Variants in CNTNAP4 observed in about 807,000 individuals in gnomAD.
CNTNAP4 encodes contactin associated protein family member 4.
A neutral mutation model predicts 148.4 loss-of-function variants in CNTNAP4; 98 were observed. The ratio of observed to expected loss-of-function variants is 0.66; its 90% confidence interval spans 0.56 to 0.78. CNTNAP4 has a LOEUF of 0.78. Among genes scored for constraint, CNTNAP4 ranks in the 30% least tolerant of loss-of-function variants. The pLI, the probability that CNTNAP4 is intolerant of heterozygous loss-of-function variation, is 0.00. For synonymous variants in CNTNAP4, 730 were observed against 565.1 expected (o/e 1.29, Z -4.14); for missense variants, 1,935 against 1,565.6 (o/e 1.24, Z -3.98).
At chr16:76,402,374 G>A (rs2144849348) in intron 3 of CNTNAP4, among the ~76,000 whole-genome samples, 1 of 151,206 alleles carries the variant, frequency 6.6e-6, no homozygotes, top group South Asian at 2.1e-4. Context: ...TTTTTTTTCT[G>A]TGAGGTCAGT....
intron 4 of CNTNAP4, among the ~76,000 whole-genome samples, chr16:76,438,730 T>G (rs1032880879): frequency 1.3e-5 from 2 of 151,874 alleles, no homozygotes; most frequent in Non-Finnish European, 2.9e-5. Context: ...ATACCCACAC[T>G]CTCCCTTTTC....
chr16:76,312,587 A>G (rs994796692), intron 1 of CNTNAP4, among the ~76,000 whole-genome samples: 2 of 152,194 alleles, frequency 1.3e-5, no homozygotes, highest in African/African-American at 4.8e-5. Context: ...AAAAAATAGC[A>G]TGGCAAACCT....
chr16:76,389,781 G>A (rs753436968), intron 3 of CNTNAP4, among the ~76,000 whole-genome samples: 3 of 151,962 alleles, frequency 2.0e-5, no homozygotes, highest in Non-Finnish European at 4.4e-5. Context: ...TGGTGTTTAT[G>A]GGAACCCGAT....
At chr16:76,555,526 CT>C (rs759847030) in intron 23 of CNTNAP4, among the ~76,000 whole-genome samples, 2 of 152,126 alleles carry the variant, frequency 1.3e-5, no homozygotes, top group Non-Finnish European at 2.9e-5. Flanking sequence ...TATAATATTG[CT>C]TTTTCCAGAC....
At chr16:76,551,303 C>A (rs1362138921) in intron 21 of CNTNAP4, among the ~76,000 whole-genome samples, 4 of 151,692 alleles carry the variant, frequency 2.6e-5, no homozygotes, top group Non-Finnish European at 4.4e-5. Context: ...GAGGCTGAGG[C>A]AGGAGAATTA....
At chr16:76,464,995 A>G (rs1363499658) in intron 9 of CNTNAP4, among the ~76,000 whole-genome samples, 1 of 152,240 alleles carries the variant, frequency 6.6e-6, no homozygotes, top group Admixed American at 6.5e-5. Context: ...CACAACATGC[A>G]GCACAATCTG....
intron 3 of CNTNAP4, among the ~76,000 whole-genome samples, chr16:76,371,881 A>G (rs961627072): frequency 6.6e-6 from 1 of 152,132 alleles, no homozygotes; most frequent in Admixed American, 6.5e-5. Context: ...ATCCCTTTCA[A>G]TCAGGGCTTT....
At chr16:76,368,378 A>G (rs922433660) in intron 3 of CNTNAP4, among the ~76,000 whole-genome samples, 14 of 152,238 alleles carry the variant, frequency 9.2e-5, no homozygotes, top group African/African-American at 3.1e-4. Flanking sequence ...ATGCACACGT[A>G]TGTTTATTGC....
At chr16:76,307,495 T>C (rs202044717) in intron 1 of CNTNAP4, among the ~76,000 whole-genome samples, 1 of 123,080 alleles carries the variant, frequency 8.1e-6, no homozygotes, top group African/African-American at 3.1e-5. Flanking sequence ...AGATATCTAT[T>C]TTAAATGCAT....
Position 76,470,480 on chromosome 16 carries a change from A to AT in CNTNAP4, c.1655+2958dup, listed in dbSNP as rs1568304032. Among the ~76,000 whole-genome samples, 216 of 96,990 alleles carry AT rather than the reference A, an allele frequency of 2.2e-3. 3 individuals are homozygous for AT. Among genetic ancestry groups the AT allele is most frequent in the African/African-American group, 0.012 (209 of 17,118 alleles). 63.6% of individuals were successfully genotyped at this position (96,990 alleles called of 152,430 possible). The stretch of plus-strand genomic sequence containing the variant: ...ACATAGCAAAACCACGTCTCTACTA[A>AT]TAATATATATATATATAAAATTAGT... On this transcript the variant is annotated intron_variant, in intron 10 of 23. Transcript: ENST00000611870.
At chr16:76,554,815 A>C (rs1237429328) in intron 23 of CNTNAP4, among the ~76,000 whole-genome samples, 2 of 151,964 alleles carry the variant, frequency 1.3e-5, no homozygotes, top group East Asian at 3.9e-4. Context: ...TCCTCTATTC[A>C]GTCACAAACC....
At chr16:76,502,999 T>C (rs1463964082) in intron 15 of CNTNAP4, among the ~76,000 whole-genome samples, 3 of 152,214 alleles carry the variant, frequency 2.0e-5, no homozygotes, top group Admixed American at 2.0e-4. Context: ...TTATTTATGT[T>C]GTCTTTTTTC....
intron 1 of CNTNAP4, among the ~76,000 whole-genome samples, chr16:76,299,845 G>A (rs1233962374): frequency 2.0e-5 from 3 of 152,130 alleles, no homozygotes; most frequent in Non-Finnish European, 4.4e-5. Context: ...GTCCTTTGTA[G>A]GGACATGGAT....
intron 3 of CNTNAP4, among the ~76,000 whole-genome samples, chr16:76,419,776 G>C (rs147883613): frequency 1.2e-3 from 177 of 152,106 alleles, no homozygotes; most frequent in African/African-American, 4.1e-3. Flanking sequence ...CCGAGAACAA[G>C]GTGCTACCCA....
intron 3 of CNTNAP4, among the ~76,000 whole-genome samples, chr16:76,370,808 C>T (rs2014722904): frequency 6.6e-6 from 1 of 152,140 alleles, no homozygotes; most frequent in East Asian, 1.9e-4. Context: ...TTGCATGCTT[C>T]CCTTTCAACC....
chr16:76,460,773 A>AAAAAAAAAAAATATATATATATATATAT, intron 8 of CNTNAP4, among the ~76,000 whole-genome samples: 1 of 57,320 alleles, frequency 1.7e-5, no homozygotes, highest in Non-Finnish European at 3.3e-5. Flanking sequence ...AAAAAAAAAA[A>AAAAAAAAAAAATATATATATATATATAT]ATATATATAT....
At chr16:76,446,731 C>T (rs542217498) in intron 4 of CNTNAP4, among the ~76,000 whole-genome samples, 44 of 152,162 alleles carry the variant, frequency 2.9e-4, no homozygotes, top group Admixed American at 8.5e-4. Flanking sequence ...TAGCCACAGA[C>T]GGAAAATAAG....
rs982829254 is a variant in CNTNAP4, at chr16:76,328,405, A to G, written c.196+11882A>G. On this transcript the variant is annotated intron_variant, in intron 2 of 23. Transcript: ENST00000611870. The stretch of plus-strand genomic sequence containing the variant: ...ATGTTAAGGTTGTCAAAAAACAAGG[A>G]AAGCCTGAAACGGTCATAACCAAAA... Among the ~76,000 whole-genome samples the G allele has an allele frequency of 2.0e-5, 3 of 152,344 alleles. No individual in the cohort carries two copies. The East Asian group carries it at 5.8e-4, about 29-fold the overall frequency.
At chr16:76,472,212 G>C (rs1395579342) in intron 10 of CNTNAP4, among the ~76,000 whole-genome samples, 2 of 150,544 alleles carry the variant, frequency 1.3e-5, no homozygotes, top group African/African-American at 4.9e-5. Context: ...AACATTTGGT[G>C]AGAATGAGTA....
Sources: allele counts gnomAD v4.1 joint callset (sites outside exome capture counted in the v4.1 genomes callset), GRCh38; gene constraint gnomAD v4.1.1; transcripts MANE v1.5; gene names NCBI Gene and HGNC (gene_info 2026-07-23, HGNC 2026-07-21).